ANO4: variants seen among roughly 807,000 people sequenced by gnomAD.
ANO4 encodes anoctamin 4.
In ANO4, 69 loss-of-function variants were observed where a neutral mutation model predicts 141.9. The observed-to-expected ratio is 0.49, with a 90% CI of 0.40 to 0.59. The LOEUF is 0.59. Among genes scored for constraint, ANO4 ranks in the 20% least tolerant of loss-of-function variants. ANO4 has a pLI of 0.00. For synonymous variants in ANO4, 350 were observed against 394.3 expected, an observed-to-expected ratio of 0.89 and a Z score of 1.33; for missense variants, 894 against 1,162.2, an observed-to-expected ratio of 0.77 and a Z score of 3.36.
At chr12:100,963,110 C>T (rs1270613628) in intron 5 of ANO4, among the ~76,000 whole-genome samples, 1 of 152,134 alleles carries the variant, frequency 6.6e-6, no homozygotes, top group Non-Finnish European at 1.5e-5. Flanking sequence ...CCATTATAGA[C>T]ATTGATGTGT....
intron 3 of ANO4, among the ~76,000 whole-genome samples, chr12:100,742,292 A>G (rs929923848): frequency 1.3e-5 from 2 of 152,100 alleles, no homozygotes; most frequent in African/African-American, 4.8e-5. Flanking sequence ...GATTTTTTAG[A>G]ACAAATTGTT....
intron 3 of ANO4, among the ~76,000 whole-genome samples, chr12:100,766,693 C>T (rs531472178): frequency 6.6e-6 from 1 of 152,110 alleles, no homozygotes; most frequent in Non-Finnish European, 1.5e-5. Context: ...CCATCTGCAC[C>T]TAAAAGAATT....
intron 13 of ANO4, among the ~76,000 whole-genome samples, chr12:101,044,175 C>G (rs2047530871): frequency 6.6e-6 from 1 of 152,114 alleles, no homozygotes; most frequent in African/African-American, 2.4e-5. Context: ...TGCCCCCTTT[C>G]TAAGAAACTC....
intron 22 of ANO4, among the ~76,000 whole-genome samples, chr12:101,105,016 A>G (rs2050384627): frequency 6.6e-6 from 1 of 152,108 alleles, no homozygotes; most frequent in Admixed American, 6.6e-5. Flanking sequence ...ATGTAAAGTA[A>G]TTATTGAATA....
intron 14 of ANO4, chr12:101,067,016 A>T: frequency 1.7e-6 from 1 of 571,580 alleles, no homozygotes; most frequent in Non-Finnish European, 3.1e-6. Context: ...AAAAAAAAAA[A>T]AGAAAGAACA....
At chr12:100,717,341 C>T (rs952272275), upstream of ANO4, among the ~76,000 whole-genome samples, 1 of 151,536 alleles carries the variant, frequency 6.6e-6, no homozygotes, top group African/African-American at 2.4e-5. Context: ...CGGCCGGGGG[C>T]CCCCGCGCGC....
At chr12:100,854,820 C>T (rs888199482) in intron 1 of ANO4, among the ~76,000 whole-genome samples, 1 of 152,078 alleles carries the variant, frequency 6.6e-6, no homozygotes, top group Admixed American at 6.6e-5. Context: ...TGTTTCATAG[C>T]TTTTCTTTGT....
chr12:101,033,012 G>A (rs1415226012), intron 9 of ANO4, among the ~76,000 whole-genome samples: 2 of 152,176 alleles, frequency 1.3e-5, no homozygotes, highest in Admixed American at 1.3e-4. Flanking sequence ...TAAGACACAT[G>A]CACACGTATG....
At chr12:100,816,383 T>A (rs2035742170) in intron 1 of ANO4, among the ~76,000 whole-genome samples, 1 of 152,042 alleles carries the variant, frequency 6.6e-6, no homozygotes, top group African/African-American at 2.4e-5. Flanking sequence ...GAGTGGTCCA[T>A]TATCAGTTGA....
chr12:101,056,135 A>G (rs1011621609), intron 14 of ANO4, among the ~76,000 whole-genome samples: 1 of 152,170 alleles, frequency 6.6e-6, no homozygotes, highest in Non-Finnish European at 1.5e-5. Flanking sequence ...CATTTCCAAA[A>G]AAATTGTAGA....
chr12:101,072,545 C>A (rs1377705359), intron 14 of ANO4, among the ~76,000 whole-genome samples: 1 of 152,112 alleles, frequency 6.6e-6, no homozygotes, highest in Non-Finnish European at 1.5e-5. Context: ...GACTTCATGA[C>A]TAAAACACCA....
At chr12:100,744,675 CCTT>C (rs1280828871) in intron 3 of ANO4, among the ~76,000 whole-genome samples, 16 of 152,204 alleles carry the variant, frequency 1.1e-4, no homozygotes. Context: ...TCATGCTTAA[CCTT>C]CTGCTGGCCA....
At chr12:100,967,578 C>G (rs1408511795) in intron 5 of ANO4, among the ~76,000 whole-genome samples, 1 of 43,118 alleles carries the variant, frequency 2.3e-5, no homozygotes, top group Non-Finnish European at 4.4e-5. Context: ...AGGACACACA[C>G]ACACACACAC....
intron 5 of ANO4, among the ~76,000 whole-genome samples, chr12:100,959,541 T>G (rs1022671235): frequency 6.6e-6 from 1 of 152,196 alleles, no homozygotes; most frequent in African/African-American, 2.4e-5. Flanking sequence ...AGTTTGGGCT[T>G]TCTCCCTCAC....
chr12:100,740,088 T>A (rs2031796318), exon 3 of ANO4: 1 of 702,448 alleles, frequency 1.4e-6, no homozygotes, highest in Non-Finnish European at 2.6e-6. Flanking sequence ...CAGGAAACCC[T>A]GAGTCAAGAC....
intron 1 of ANO4, among the ~76,000 whole-genome samples, chr12:100,731,543 G>T (rs2031380993): frequency 1.3e-5 from 2 of 152,066 alleles, no homozygotes; most frequent in South Asian, 4.1e-4. Flanking sequence ...TTATATTAGG[G>T]CTCACTCTTG....
chr12:101,120,649 T>C (rs2051049486), intron 26 of ANO4, 24 bp downstream of exon 26: 1 of 1,580,036 alleles, frequency 6.3e-7, no homozygotes, highest in Admixed American at 1.7e-5. Context: ...GCCAAATTCT[T>C]TATTTCCTTT....
intron 22 of ANO4, among the ~76,000 whole-genome samples, chr12:101,104,039 A>G (rs1215434255): frequency 1.3e-5 from 2 of 151,828 alleles, no homozygotes; most frequent in African/African-American, 2.4e-5. Context: ...TTGTTTATAT[A>G]TCTCCTTATT....
At chr12:100,867,795 T>G (rs2135914540) in intron 1 of ANO4, among the ~76,000 whole-genome samples, 1 of 152,292 alleles carries the variant, frequency 6.6e-6, no homozygotes, top group East Asian at 1.9e-4. Context: ...AGCACCAAGC[T>G]CTGCAATTCC....
Sources: allele counts gnomAD v4.1 joint callset (sites outside exome capture counted in the v4.1 genomes callset), GRCh38; gene constraint gnomAD v4.1.1; transcripts MANE v1.5; gene names NCBI Gene and HGNC (gene_info 2026-07-23, HGNC 2026-07-21).